The following DZIP1L variants were observed in gnomAD, a reference collection of about 807,000 sequenced individuals.
The protein encoded by DZIP1L is cilium assembly protein DZIP1L.
In DZIP1L, 90 loss-of-function variants were observed where a neutral mutation model predicts 88.7. That is an observed-to-expected ratio of 1.02 (90% CI 0.86 to 1.21). DZIP1L has a LOEUF of 1.21. DZIP1L is among the 50% of genes most tolerant of loss of function. The probability of loss-of-function intolerance (pLI) is 0.00; values close to 1 mark genes in which losing one functional copy is unlikely to be tolerated. For missense variants in DZIP1L, 932 were observed against 955.8 expected (o/e 0.98, Z 0.33); for synonymous variants, 363 against 372.1 (o/e 0.98, Z 0.28).
In DZIP1L at chr3:138,062,491, CT is replaced by C. The variant is rs1241033668; in HGVS notation, c.*324del. On this transcript the variant is annotated 3_prime_UTR_variant, in exon 16 of 16. Coordinates refer to ENST00000327532, the MANE Select transcript of DZIP1L (RefSeq NM_173543.3). ...AGTGTTCCTGCAGTTTTATAAAAGG[CT>C]TGGGAAAAGAGAGTTAGTGACTCTT... 2 of 235,796 alleles carry C rather than the reference CT, an allele frequency of 8.5e-6. No homozygotes were observed. The highest frequency in any genetic ancestry group is 4.4e-5 in the African/African-American group (2 of 45,358). The allele number at this position is 235,796 out of a possible 1,614,324, so 14.6% of individuals were successfully genotyped here.
chr3:138,091,843 T>C (rs1266039807), intron 5 of DZIP1L, among the ~76,000 whole-genome samples: 1 of 152,110 alleles, frequency 6.6e-6, no homozygotes. Flanking sequence ...ATATATAAAG[T>C]ATACTGCATG....
intron 12 of DZIP1L, among the ~76,000 whole-genome samples, chr3:138,071,036 T>C (rs530805447): frequency 4.4e-4 from 67 of 152,302 alleles, no homozygotes; most frequent in Non-Finnish European, 8.8e-4. Flanking sequence ...CCCCAGAGCA[T>C]GGACAAATGG....
At chr3:138,067,448 T>G in intron 14 of DZIP1L, 83 bp downstream of exon 14, 2 of 1,444,288 alleles carry the variant, frequency 1.4e-6, no homozygotes, top group East Asian at 2.6e-5. Context: ...AGCTAAAGGG[T>G]GTTTCTGGAG....
Position 138,063,064 on chromosome 3 carries a change from A to C in DZIP1L, c.2143-87T>G. On this transcript the variant is annotated intron_variant, in intron 15 of 15. Transcript: ENST00000327532. The surrounding 1 kb of genome is among the most constrained non-coding windows in gnomAD (Gnocchi z 4.1). ...TAAGCACATTGCAGGATGGGAATGC[A>C]GAATGGAAATGGGGACAAATGCAGA... 1 of 1,477,610 alleles carries C rather than the reference A, an allele frequency of 6.8e-7. No individual in the cohort carries two copies. The highest frequency in any genetic ancestry group is 9.2e-7 in the Non-Finnish European group (1 of 1,083,328). The allele number at this position is 1,477,610 out of a possible 1,614,324, so 91.5% of individuals were successfully genotyped here. A position where few individuals can be genotyped will look rare whatever the true frequency, so the allele number is the denominator to read the frequency against.
intron 8 of DZIP1L, 90 bp downstream of exon 8, chr3:138,084,023 C>T (rs1943802113): frequency 7.8e-6 from 12 of 1,537,526 alleles, no homozygotes; most frequent in Non-Finnish European, 9.6e-6. Context: ...GTAAGACTAG[C>T]ACTGATGAGC....
intron 5 of DZIP1L, among the ~76,000 whole-genome samples, chr3:138,089,763 G>A (rs1944117715): frequency 6.6e-6 from 1 of 152,048 alleles, no homozygotes; most frequent in African/African-American, 2.4e-5. Context: ...TTTAATAAAA[G>A]TAAAACAATA....
intron 14 of DZIP1L, among the ~76,000 whole-genome samples, chr3:138,066,344 T>C (rs1218534693): frequency 6.6e-6 from 1 of 152,220 alleles, no homozygotes; most frequent in Non-Finnish European, 1.5e-5. Flanking sequence ...CAACTCTTGA[T>C]CTGGTGCTAA....
chr3:138,074,569 C>CT (rs1484186963), intron 11 of DZIP1L, among the ~76,000 whole-genome samples: 2 of 151,906 alleles, frequency 1.3e-5, no homozygotes, highest in South Asian at 2.1e-4. Context: ...ATCTCTAAAT[C>CT]TTCTTTTTTA....
At chr3:138,089,576 C>T (rs1209248857) in intron 5 of DZIP1L, among the ~76,000 whole-genome samples, 1 of 152,152 alleles carries the variant, frequency 6.6e-6, no homozygotes, top group Non-Finnish European at 1.5e-5. Context: ...ATTGGCCTTC[C>T]TAACATCAGG....
Position 138,068,228 on chromosome 3 carries a change from G to A in DZIP1L, c.1755C>T (p.Thr585=). The change falls in exon 13 of 16, where the codon ACC becomes ACT. Residue 585 remains threonine, a synonymous_variant. Transcript: ENST00000327532. ...GGCGTGGAGCGGGGGCGGACACCTG[G>A]GTCAGGCTGGAGCCATGGCTGCCAT... ...QSHGSHGSSL[T]QVSAPAPRPG... 6.3e-7 allele frequency: 1 copy of A among 1,594,948 alleles called. No homozygotes were observed. Among genetic ancestry groups the A allele is most frequent in the Non-Finnish European group, 8.5e-7 (1 of 1,170,164 alleles).
intron 4 of DZIP1L, among the ~76,000 whole-genome samples, chr3:138,094,375 T>G (rs1328560067): frequency 6.6e-6 from 1 of 152,236 alleles, no homozygotes; most frequent in Non-Finnish European, 1.5e-5. Context: ...GAAGTATGCC[T>G]GTATTTGTCA....
Position 138,084,005 on chromosome 3 carries a change from C to T in DZIP1L, c.1203+108G>A, listed in dbSNP as rs876013. 9 of 1,451,602 alleles carry T rather than the reference C, an allele frequency of 6.2e-6. No individual in the cohort carries two copies. The Middle Eastern group carries it at 5.5e-4, about 89-fold the overall frequency. 89.9% of individuals were successfully genotyped at this position (1,451,602 alleles called of 1,614,324 possible). On this transcript the variant is annotated intron_variant, in intron 8 of 15. Coordinates refer to ENST00000327532, the MANE Select transcript of DZIP1L (RefSeq NM_173543.3). ...AGGACTCTTCTCTCTCCTTAAGGAG[C>T]CTGAGTGGTAAGACTAGCACTGATG...
chr3:138,106,011 A>T (rs2042472298), intron 1 of DZIP1L, among the ~76,000 whole-genome samples: 1 of 151,816 alleles, frequency 6.6e-6, no homozygotes, highest in Non-Finnish European at 1.5e-5. Context: ...ATTATTTTTT[A>T]AAATAAAACA....
At chr3:138,091,138 G>A (rs998960347) in intron 5 of DZIP1L, among the ~76,000 whole-genome samples, 4 of 151,842 alleles carry the variant, frequency 2.6e-5, no homozygotes, top group African/African-American at 7.3e-5. Flanking sequence ...GGGATTACAG[G>A]TGTGAGCCAC....
At chr3:138,101,918 C>CGGCA (rs1559858914) in intron 2 of DZIP1L, 2 of 1,456,030 alleles carry the variant, frequency 1.4e-6, no homozygotes, top group African/African-American at 2.8e-5. Context: ...CCACGTTGCT[C>CGGCA]GGCATCTGCG....
At chr3:138,102,300 T>C in intron 2 of DZIP1L, 9 of 1,399,536 alleles carry the variant, frequency 6.4e-6, no homozygotes, top group Non-Finnish European at 9.1e-6. Flanking sequence ...CTCTACCTTA[T>C]TCATGTAAGC....
intron 8 of DZIP1L, 119 bp downstream of exon 8, chr3:138,083,994 T>G: frequency 7.1e-7 from 1 of 1,407,046 alleles, no homozygotes; most frequent in Non-Finnish European, 9.5e-7. Context: ...CTCTTCTCTC[T>G]CCTTAAGGAG....
intron 9 of DZIP1L, among the ~76,000 whole-genome samples, chr3:138,080,995 G>A (rs920511548): frequency 1.3e-5 from 2 of 152,200 alleles, no homozygotes; most frequent in Non-Finnish European, 2.9e-5. Context: ...TCCCTCAAGA[G>A]GGTCTCCATC....
At chr3:138,081,822 G>T in intron 8 of DZIP1L, 58 bp from the exon 9 acceptor site, 1 of 1,578,852 alleles carries the variant, frequency 6.3e-7, no homozygotes, top group Admixed American at 1.7e-5. Context: ...TGAGAACTCT[G>T]CTTTGAGCAG....
Sources: gnomAD v4.1 joint callset for allele counts (sites outside exome capture counted in the v4.1 genomes callset) on GRCh38, gnomAD v4.1.1 for gene constraint, Gnocchi (gnomAD v3.1) non-coding constraint, MANE v1.5 for transcripts, NCBI Gene and HGNC (gene_info 2026-07-23, HGNC 2026-07-21) for gene names.